AK9: variants seen among roughly 807,000 people sequenced by gnomAD.
AK9 encodes the protein adenylate kinase domain containing 1.
AK9 carries 191 observed loss-of-function variants against 239.6 expected under a neutral mutation model. The observed-to-expected ratio is 0.80, with a 90% CI of 0.71 to 0.90. AK9 has a LOEUF of 0.90. Ranked by LOEUF, AK9 falls within the 40% of genes least tolerant of loss-of-function variation. AK9 has a pLI of 0.00. For synonymous variants in AK9, 689 were observed against 721.0 expected (o/e 0.96, Z 0.71); for missense variants, 1,995 against 2,214.7 (o/e 0.90, Z 1.99).
At chr6:109,684,702 G>A (rs1412085940) in intron 1 of AK9, among the ~76,000 whole-genome samples, 17 of 138,482 alleles carry the variant, frequency 1.2e-4, no homozygotes, top group Admixed American at 6.3e-4. Context: ...GTGAAACCCC[G>A]TCTCTACTAA....
At chr6:109,616,207 T>C (rs1481420980) in intron 13 of AK9, among the ~76,000 whole-genome samples, 2 of 152,142 alleles carry the variant, frequency 1.3e-5, no homozygotes, top group East Asian at 3.9e-4. Flanking sequence ...TGTGATTAGC[T>C]CTCTGGAAAA....
intron 35 of AK9, 34 bp downstream of exon 35, chr6:109,506,293 A>C (rs757282572): frequency 6.3e-7 from 1 of 1,586,362 alleles, no homozygotes; most frequent in Middle Eastern, 1.7e-4. Flanking sequence ...CTTGAAATTA[A>C]TATTTTATTC....
At chr6:109,670,108 C>T (rs967230945) in intron 5 of AK9, among the ~76,000 whole-genome samples, 5 of 151,990 alleles carry the variant, frequency 3.3e-5, no homozygotes, top group Non-Finnish European at 7.4e-5. Context: ...AGAGAAGAAA[C>T]AATAAGATAG....
chr6:109,562,943 C>T (rs1214705089), intron 24 of AK9, among the ~76,000 whole-genome samples: 1 of 152,058 alleles, frequency 6.6e-6, no homozygotes, highest in Admixed American at 6.5e-5. Flanking sequence ...TGGGACAAAA[C>T]CCGCATCCTT....
intron 1 of AK9, among the ~76,000 whole-genome samples, chr6:109,684,852 C>T (rs1438723760): frequency 3.0e-5 from 3 of 99,688 alleles, no homozygotes; most frequent in African/African-American, 3.9e-5. Context: ...CCAGCCTGGG[C>T]GACAGAGTGA....
intron 1 of AK9, among the ~76,000 whole-genome samples, chr6:109,678,934 A>G (rs1217651989): frequency 6.6e-6 from 1 of 152,158 alleles, no homozygotes; most frequent in Non-Finnish European, 1.5e-5. Context: ...CCCAGATACT[A>G]TGCTTTTCTC....
intron 33 of AK9, among the ~76,000 whole-genome samples, chr6:109,508,653 C>T (rs1778361161): frequency 6.6e-6 from 1 of 152,224 alleles, no homozygotes; most frequent in South Asian, 2.1e-4. Context: ...AGGGCTTTTA[C>T]TACTGGGTAT....
chr6:109,663,712 G>A (rs961326461), intron 5 of AK9, among the ~76,000 whole-genome samples: 1 of 152,154 alleles, frequency 6.6e-6, no homozygotes, highest in Non-Finnish European at 1.5e-5. Flanking sequence ...CAAAAATTAG[G>A]CATGGGTTAC....
chr6:109,588,847 T>C (rs1355044118), intron 17 of AK9, among the ~76,000 whole-genome samples: 1 of 152,144 alleles, frequency 6.6e-6, no homozygotes, highest in Non-Finnish European at 1.5e-5. Flanking sequence ...TTCCACAGTG[T>C]ATATTCTAGT....
chr6:109,611,976 C>T, intron 16 of AK9, 34 bp downstream of exon 16: 1 of 1,386,866 alleles, frequency 7.2e-7, no homozygotes, highest in Non-Finnish European at 9.8e-7. Flanking sequence ...GAACCACAAT[C>T]TAAAAGAATC....
Position 109,633,008 on chromosome 6 carries a change from G to C in AK9, c.1169C>G (p.Pro390Arg), listed in dbSNP as rs1278640578. The C allele has an allele frequency of 2.4e-5, 38 of 1,606,348 alleles. No individual in the cohort carries two copies. The highest frequency in any genetic ancestry group is 3.2e-5 in the Non-Finnish European group (38 of 1,177,524). Residue 390 changes from proline (P) to arginine (R), a missense_variant, in exon 12 of 41, where the codon CCA becomes CGA. Around this residue, in one of 5 missense-constraint regions of AK9, gnomAD observed 1,290 missense variants for 1,392.7 expected, o/e 0.93. Coordinates refer to ENST00000424296, the MANE Select transcript of AK9 (RefSeq NM_001145128.3). ...RPYLLPPMPG[P>R]PCKVFILGPQ... ...TCCAAGTATGAATACTTTACATGGT[G>C]GTCCTGGCATAGGTGGAAGCAGATA...
In AK9 at chr6:109,691,176, G is replaced by C. The variant is rs1367147745; in HGVS notation, c.-41C>G. 1.7e-6 allele frequency: 1 copy of C among 574,292 alleles called. No homozygotes were observed. The highest frequency in any genetic ancestry group is 1.9e-5 in the African/African-American group (1 of 53,434). The allele number at this position is 574,292 out of a possible 1,614,324, so 35.6% of individuals were successfully genotyped here. ...GATGGTGCCCTTCGCTTCCTCTCTCGGCAGCACGCAGGTCCCGGGAGCCTC... is the reference window on the plus strand; with the variant it reads ...GATGGTGCCCTTCGCTTCCTCTCTCCGCAGCACGCAGGTCCCGGGAGCCTC... On this transcript the variant is annotated 5_prime_UTR_variant, in exon 1 of 41. Transcript: ENST00000424296.
chr6:109,554,525 C>CTTTTTTTTTTTTTTT (rs3060760), intron 24 of AK9, among the ~76,000 whole-genome samples: 2 of 77,442 alleles, frequency 2.6e-5, no homozygotes, highest in Non-Finnish European at 5.0e-5. Flanking sequence ...TATTTCTTTT[C>CTTTTTTTTTTTTTTT]TTTTTTTTTT....
At chr6:109,679,544 A>T (rs947042195) in intron 1 of AK9, among the ~76,000 whole-genome samples, 1 of 152,014 alleles carries the variant, frequency 6.6e-6, no homozygotes, top group Non-Finnish European at 1.5e-5. Flanking sequence ...AGACTTAAAC[A>T]TCCCTGCCTG....
chr6:109,527,363 G>C lies in AK9; in HGVS notation c.3633+1648C>G, dbSNP rs1350993196. On this transcript the variant is annotated intron_variant, in intron 29 of 40. Transcript: ENST00000424296. ...GGCTTTCTCCGCCAGGGATTCCCCAGTTAGTCTGAAAAAGGCAAGTCACAG... is the reference window on the plus strand; with the variant it reads ...GGCTTTCTCCGCCAGGGATTCCCCACTTAGTCTGAAAAAGGCAAGTCACAG... 2.0e-5 allele frequency among the ~76,000 whole-genome samples: 3 copies of C among 152,182 alleles called. No homozygotes were observed. The East Asian group carries it at 5.8e-4, about 29-fold the overall frequency.
chr6:109,678,562 C>G (rs1045801954), intron 1 of AK9, among the ~76,000 whole-genome samples: 1 of 152,146 alleles, frequency 6.6e-6, no homozygotes, highest in African/African-American at 2.4e-5. Context: ...TATATTATTT[C>G]TTACAACTCC....
At chr6:109,544,160 T>C (rs1041438017) in intron 26 of AK9, among the ~76,000 whole-genome samples, 5 of 152,156 alleles carry the variant, frequency 3.3e-5, no homozygotes, top group Admixed American at 3.3e-4. Flanking sequence ...CTTCATTACC[T>C]ATTAGAACAC....
At chr6:109,684,844 A>T (rs1398394003) in intron 1 of AK9, among the ~76,000 whole-genome samples, 5 of 115,992 alleles carry the variant, frequency 4.3e-5, no homozygotes, top group Admixed American at 1.2e-4. Flanking sequence ...ACTGCACTCC[A>T]GCCTGGGCGA....
At chr6:109,569,698 G>A (rs560107801) in intron 21 of AK9, among the ~76,000 whole-genome samples, 16 of 152,200 alleles carry the variant, frequency 1.1e-4, no homozygotes, top group South Asian at 4.2e-4. Flanking sequence ...ATTACTGGCC[G>A]TCAGAGAAAT....
Sources: allele counts gnomAD v4.1 joint callset (sites outside exome capture counted in the v4.1 genomes callset), GRCh38; gene constraint gnomAD v4.1.1; regional missense constraint gnomAD v4.1.1; transcripts MANE v1.5; gene names NCBI Gene and HGNC (gene_info 2026-07-23, HGNC 2026-07-21).